KCNQ1OT1: variants seen among roughly 807,000 people sequenced by gnomAD.
The protein encoded by KCNQ1OT1 is KCNQ1 antisense RNA 2 (non-protein coding).
chr11:2,654,307 T>C lies in KCNQ1OT1; in HGVS notation n.45688A>G, dbSNP rs992966173. ...GAATCCACTGAGAGGGGGAGATTTC[T>C]TGAGGGGGCCAGGGAGGGGGCTTCT... On this transcript the variant is annotated non_coding_transcript_exon_variant, in exon 1 of 1. Coordinates refer to ENST00000597346, the Ensembl canonical transcript of KCNQ1OT1. This position sits in a 1 kb window ranked among gnomAD's most constrained non-coding sequence, Gnocchi z 6.4. The C allele has an allele frequency of 5.3e-6, 2 of 379,484 alleles. No individual in the cohort carries two copies. Among genetic ancestry groups the C allele is most frequent in the Non-Finnish European group, 9.3e-6 (2 of 216,080 alleles). 23.5% of individuals were successfully genotyped at this position (379,484 alleles called of 1,614,324 possible).
rs2133835392 is a variant in KCNQ1OT1 at position 2,645,458 on chromosome 11, G to T, written n.54537C>A. 2.5e-6 allele frequency: 1 copy of T among 398,698 alleles called. No homozygotes were observed. The highest frequency in any genetic ancestry group is 4.4e-5 in the Admixed American group (1 of 22,736). 24.7% of individuals were successfully genotyped at this position (398,698 alleles called of 1,614,324 possible). On this transcript the variant is annotated non_coding_transcript_exon_variant, in exon 1 of 1. Coordinates refer to ENST00000597346, the Ensembl canonical transcript of KCNQ1OT1. The surrounding 1 kb of genome is among the most constrained non-coding windows in gnomAD (Gnocchi z 5.8). Reference sequence around the variant, plus strand: ...TACTGACTGTGGTAGGCAGGCACAGGAAGATCCCTGTATACCCTGCTGAAT... The same window carrying T: ...TACTGACTGTGGTAGGCAGGCACAGTAAGATCCCTGTATACCCTGCTGAAT...
chr11:2,632,249 T>C, exon 1 of KCNQ1OT1: 1 of 398,528 alleles, frequency 2.5e-6, no homozygotes, highest in Non-Finnish European at 4.4e-6. Context: ...CCTGCTACTT[T>C]GCTGAATTAA....
chr11:2,627,330 T>C lies in KCNQ1OT1; in HGVS notation n.72665A>G. 1 of 398,546 alleles carries C rather than the reference T, an allele frequency of 2.5e-6. No individual in the cohort carries two copies. 24.7% of individuals were successfully genotyped at this position (398,546 alleles called of 1,614,324 possible). A position where few individuals can be genotyped will look rare whatever the true frequency, so the allele number is the denominator to read the frequency against. On this transcript the variant is annotated non_coding_transcript_exon_variant, in exon 1 of 1. Transcript: ENST00000597346. The surrounding 1 kb of genome is among the most constrained non-coding windows in gnomAD (Gnocchi z 4.9). ...TGTGCGTGTGTGTGGTCAGAATACCTAAGCTATACTCTCTTAGCAAATTCC... is the reference window on the plus strand; with the variant it reads ...TGTGCGTGTGTGTGGTCAGAATACCCAAGCTATACTCTCTTAGCAAATTCC...
chr11:2,671,121 G>A lies in KCNQ1OT1; in HGVS notation n.28874C>T, dbSNP rs1850176311. 2.5e-6 allele frequency: 1 copy of A among 398,392 alleles called. No homozygotes were observed. The highest frequency in any genetic ancestry group is 2.1e-5 in the African/African-American group (1 of 48,584). The allele number at this position is 398,392 out of a possible 1,614,324, so 24.7% of individuals were successfully genotyped here. ...GTTAGTCTGAGCAGTTAGTCTGTCA[G>A]GCCTGGTTGGTCCCATGGGAGGCCT... On this transcript the variant is annotated non_coding_transcript_exon_variant, in exon 1 of 1. Coordinates refer to ENST00000597346, the Ensembl canonical transcript of KCNQ1OT1. This position sits in a 1 kb window ranked among gnomAD's most constrained non-coding sequence, Gnocchi z 4.7.
exon 1 of KCNQ1OT1, chr11:2,684,705 CGGAG>C: frequency 2.5e-6 from 1 of 398,556 alleles, no homozygotes; most frequent in East Asian, 3.6e-5. Flanking sequence ...CTTGCTCAGG[CGGAG>C]GGGCCTGGAG....
Position 2,620,760 on chromosome 11 carries a change from C to T in KCNQ1OT1, n.79235G>A, listed in dbSNP as rs1420400965. ...TTCTGTTTTCAGTTATTTGAGAAAA[C>T]TCCAAACTGCTTAGCACAGTGGCTG... On this transcript the variant is annotated non_coding_transcript_exon_variant, in exon 1 of 1. Coordinates refer to ENST00000597346, the Ensembl canonical transcript of KCNQ1OT1. The surrounding 1 kb of genome is among the most constrained non-coding windows in gnomAD (Gnocchi z 4.5). 3 of 398,454 alleles carry T rather than the reference C, an allele frequency of 7.5e-6. No individual in the cohort carries two copies. In the East Asian group the frequency reaches 1.1e-4, roughly 14 times the overall value. The allele number at this position is 398,454 out of a possible 1,614,324, so 24.7% of individuals were successfully genotyped here.
At position 2,648,922 on chromosome 11, in the gene KCNQ1OT1, T is replaced by A. The variant is rs536863103; in HGVS notation, n.51073A>T. 2.7e-3 allele frequency: 1,056 copies of A among 398,348 alleles called. 3 individuals are homozygous for A. The highest frequency in any genetic ancestry group is 3.7e-3 in the Non-Finnish European group (827 of 225,968). 24.7% of individuals were successfully genotyped at this position (398,348 alleles called of 1,614,324 possible). Reference sequence around the variant, plus strand: ...TTGCATATATAATTGTTATATCTTCTTGCTGAATTGATCCATTTATAATTA... The same window carrying A: ...TTGCATATATAATTGTTATATCTTCATGCTGAATTGATCCATTTATAATTA... On this transcript the variant is annotated non_coding_transcript_exon_variant, in exon 1 of 1. Coordinates refer to ENST00000597346, the Ensembl canonical transcript of KCNQ1OT1.
Position 2,669,817 on chromosome 11 carries a change from C to G in KCNQ1OT1, n.30178G>C, listed in dbSNP as rs1432202239. 3 of 398,506 alleles carry G rather than the reference C, an allele frequency of 7.5e-6. No homozygotes were observed. The highest frequency in any genetic ancestry group is 8.8e-6 in the Non-Finnish European group (2 of 226,082). 24.7% of individuals were successfully genotyped at this position (398,506 alleles called of 1,614,324 possible). A position where few individuals can be genotyped will look rare whatever the true frequency, so the allele number is the denominator to read the frequency against. ...TTATTTGGCCTGAGAGCTTTTGAGA[C>G]TGCCAGGTCATGAGTTACCATGGGA... On this transcript the variant is annotated non_coding_transcript_exon_variant, in exon 1 of 1. Transcript: ENST00000597346. This position sits in a 1 kb window ranked among gnomAD's most constrained non-coding sequence, Gnocchi z 5.6.
At chr11:2,686,203 G>C in exon 1 of KCNQ1OT1, 1 of 398,790 alleles carries the variant, frequency 2.5e-6, no homozygotes. Context: ...CCAAAACCCT[G>C]CTCCAACCTA....
chr11:2,699,499 C>T (rs1405504312), exon 1 of KCNQ1OT1: 2 of 181,120 alleles, frequency 1.1e-5, no homozygotes, highest in African/African-American at 4.3e-5. Context: ...GAGAGTGCCG[C>T]GCTGAGGAGC....
exon 1 of KCNQ1OT1, chr11:2,632,934 C>T (rs756801642): frequency 9.0e-5 from 36 of 398,256 alleles, no homozygotes; most frequent in Non-Finnish European, 1.3e-4. Flanking sequence ...AGTCAATACC[C>T]GGTAGTGGAT....
At chr11:2,655,909 G>A (rs987274606) in exon 1 of KCNQ1OT1, 18 of 398,652 alleles carry the variant, frequency 4.5e-5, no homozygotes, top group Middle Eastern at 6.3e-4. Context: ...CCCATATGCC[G>A]TTCCCAGGAT....
rs768718732 is a variant in KCNQ1OT1, at chr11:2,673,906, C to G, written n.26089G>C. The G allele has an allele frequency of 1.8e-4, 73 of 396,812 alleles. No homozygotes were observed. Among genetic ancestry groups the G allele is most frequent in the Non-Finnish European group, 2.9e-4 (66 of 226,018 alleles). The allele number at this position is 396,812 out of a possible 1,614,324, so 24.6% of individuals were successfully genotyped here. Reference sequence around the variant, plus strand: ...CACAGGAAGGGATGGGAGCTCAGCTCACCGGGTGCTAGACAAGGGAGTGTG... The same window carrying G: ...CACAGGAAGGGATGGGAGCTCAGCTGACCGGGTGCTAGACAAGGGAGTGTG... On this transcript the variant is annotated non_coding_transcript_exon_variant, in exon 1 of 1. Coordinates refer to ENST00000597346, the Ensembl canonical transcript of KCNQ1OT1. This position sits in a 1 kb window ranked among gnomAD's most constrained non-coding sequence, Gnocchi z 4.5.
chr11:2,638,199 G>T (rs530573091), exon 1 of KCNQ1OT1: 6 of 152,304 alleles, frequency 3.9e-5, no homozygotes, highest in African/African-American at 7.2e-5. Context: ...ATATTGTTAT[G>T]TGTGAATTTG....
chr11:2,680,999 T>G (rs1480562258), exon 1 of KCNQ1OT1: 2 of 398,468 alleles, frequency 5.0e-6, no homozygotes, highest in African/African-American at 4.1e-5. Flanking sequence ...GAAATAGGTA[T>G]GTGTTCTTTT....
exon 1 of KCNQ1OT1, chr11:2,610,716 CTTTTTTTTTTTTTTT>C (rs1167505141): frequency 1.8e-4 from 41 of 230,162 alleles, no homozygotes; most frequent in Middle Eastern, 9.2e-4. Flanking sequence ...TCTTGGTTGG[CTTTTTTTTTTTTTTT>C]TTTTTTTTTT....
rs909003729 is a variant in KCNQ1OT1, at chr11:2,683,622, C to G, written n.16373G>C. 5.0e-6 allele frequency: 2 copies of G among 398,556 alleles called. No homozygotes were observed. Among genetic ancestry groups the G allele is most frequent in the Non-Finnish European group, 8.8e-6 (2 of 226,082 alleles). The allele number at this position is 398,556 out of a possible 1,614,324, so 24.7% of individuals were successfully genotyped here. On this transcript the variant is annotated non_coding_transcript_exon_variant, in exon 1 of 1. Transcript: ENST00000597346. This position sits in a 1 kb window ranked among gnomAD's most constrained non-coding sequence, Gnocchi z 4.7. ...TCATTTCAAATACTGCTCTAGACAA[C>G]TGGGCCCTGCATCTGCTGCAAGGAA... is the stretch of plus-strand genomic sequence containing the variant.
chr11:2,667,616 G>T, exon 1 of KCNQ1OT1: 1 of 398,648 alleles, frequency 2.5e-6, no homozygotes, highest in South Asian at 1.3e-4. Flanking sequence ...ATCCCATATA[G>T]ATCTCTTGTG....
At chr11:2,650,549 T>C (rs1849741532) in exon 1 of KCNQ1OT1, 1 of 398,558 alleles carries the variant, frequency 2.5e-6, no homozygotes, top group Admixed American at 4.4e-5. Flanking sequence ...AGTTCATCAG[T>C]GGCTTAGGCT....
Sources: allele counts gnomAD v4.1 joint callset, GRCh38; gene constraint gnomAD v4.1.1; non-coding constraint Gnocchi (gnomAD v3.1); transcripts MANE v1.5; gene names NCBI Gene and HGNC (gene_info 2026-07-23, HGNC 2026-07-21).